The following SPG11 variants were observed in gnomAD, a reference collection of about 807,000 sequenced individuals.
SPG11 encodes the protein SPG11 vesicle trafficking associated, spatacsin.
A neutral mutation model predicts 274.0 loss-of-function variants in SPG11; 222 were observed. That is an observed-to-expected ratio of 0.81 (90% confidence interval 0.73 to 0.91). The LOEUF (loss-of-function observed/expected upper bound fraction) is 0.91, where lower values mean the gene tolerates loss of function less well. Ranked by LOEUF, SPG11 falls within the 40% of genes least tolerant of loss-of-function variation. The pLI is 0.00. For synonymous variants in SPG11, 1,144 were observed against 1,039.7 expected, an observed-to-expected ratio of 1.10 and a Z score of -1.93; for missense variants, 3,114 against 2,872.7, an observed-to-expected ratio of 1.08 and a Z score of -1.92.
intron 10 of SPG11, among the ~76,000 whole-genome samples, chr15:44,628,372 G>T (rs1042537820): frequency 1.3e-5 from 2 of 152,212 alleles, no homozygotes; most frequent in Non-Finnish European, 2.9e-5. Context: ...AGCCAATGAG[G>T]GAGTATTGCT....
intron 4 of SPG11, among the ~76,000 whole-genome samples, chr15:44,654,817 C>CA (rs1403007948): frequency 1.3e-5 from 2 of 150,848 alleles, no homozygotes; most frequent in East Asian, 3.9e-4. Context: ...TCCCGGACAA[C>CA]AAGAGCGAAA....
At chr15:44,656,811 C>A (rs1440515055) in intron 4 of SPG11, among the ~76,000 whole-genome samples, 1 of 152,192 alleles carries the variant, frequency 6.6e-6, no homozygotes, top group Middle Eastern at 3.4e-3. Flanking sequence ...CAATTAAGTG[C>A]TAAACTGTGG....
At position 44,657,119 on chromosome 15, in the gene SPG11, G is replaced by A; in HGVS notation, c.845C>T (p.Ala282Val). The stretch of plus-strand genomic sequence containing the variant: ...CCTGAAATACAAATTTAAGTTAAGA[G>A]CAACTGCGGAGTTGGAGGAGCTGAC... ...VIVSSSNSAV[A>V]LNLNLYFRQH... The change falls in exon 4 of 40, where the codon GCT (alanine) becomes GTT (valine). Residue 282 changes from alanine (A) to valine (V), a missense_variant. Coordinates refer to ENST00000261866, the MANE Select transcript of SPG11 (RefSeq NM_025137.4). 1 of 1,614,068 alleles carries A rather than the reference G, an allele frequency of 6.2e-7. No individual in the cohort carries two copies. Among genetic ancestry groups the A allele is most frequent in the Non-Finnish European group, 8.5e-7 (1 of 1,179,988 alleles).
intron 10 of SPG11, among the ~76,000 whole-genome samples, chr15:44,627,102 G>A (rs1041139687): frequency 6.6e-6 from 1 of 152,086 alleles, no homozygotes; most frequent in Non-Finnish European, 1.5e-5. Context: ...CTGAAACTAC[G>A]TGGAGCCACT....
intron 23 of SPG11, 71 bp from the exon 24 acceptor site, chr15:44,597,014 G>C: frequency 6.8e-7 from 1 of 1,461,096 alleles, no homozygotes. Context: ...GCTTTAGCTT[G>C]AACTGGAAAA....
rs1408442747 is a variant in SPG11 at position 44,569,482 on chromosome 15, T to G, written c.6501A>C (p.Gly2167=). 6.3e-7 allele frequency: 1 copy of G among 1,597,966 alleles called. No homozygotes were observed. Among genetic ancestry groups the G allele is most frequent in the Admixed American group, 1.7e-5 (1 of 57,494 alleles). ...GLVVRLLTGI[G]RYNEMTYIFD... ...ATATGTATGTCATCTCGTTGTACCTTCCAATGCCAGTGAGGAGCCGTACCT... is the reference window on the plus strand; with the variant it reads ...ATATGTATGTCATCTCGTTGTACCTGCCAATGCCAGTGAGGAGCCGTACCT... Residue 2167 remains glycine, a synonymous_variant, in exon 35 of 40, where the codon GGA becomes GGC. Coordinates refer to ENST00000261866, the MANE Select transcript of SPG11 (RefSeq NM_025137.4).
intron 17 of SPG11, among the ~76,000 whole-genome samples, chr15:44,613,112 G>A (rs942783960): frequency 1.4e-4 from 21 of 152,256 alleles, no homozygotes; most frequent in African/African-American, 4.8e-4. Flanking sequence ...ATGGAAAAAG[G>A]GTGTCAGTCT....
At chr15:44,637,784 G>A (rs565521290) in intron 7 of SPG11, among the ~76,000 whole-genome samples, 7 of 152,178 alleles carry the variant, frequency 4.6e-5, no homozygotes, top group South Asian at 4.2e-4. Flanking sequence ...CTATACTTTC[G>A]TTATTTTAGA....
chr15:44,662,744 C>G (rs569965110), intron 1 of SPG11, among the ~76,000 whole-genome samples: 1 of 150,730 alleles, frequency 6.6e-6, no homozygotes. Flanking sequence ...AGTACTGAAC[C>G]AAGAGTTACG....
At chr15:44,575,335 C>T (rs1205008538) in intron 30 of SPG11, 4 of 366,052 alleles carry the variant, frequency 1.1e-5, no homozygotes, top group Non-Finnish European at 2.1e-5. Context: ...TCTATATGTC[C>T]TCCCTCCTGT....
intron 20 of SPG11, among the ~76,000 whole-genome samples, chr15:44,601,206 A>C (rs1206285878): frequency 6.6e-6 from 1 of 150,904 alleles, no homozygotes; most frequent in Non-Finnish European, 1.5e-5. Context: ...TAGCTGCGTG[A>C]CCTTGAGCAA....
rs753262003 is a variant in SPG11 at position 44,651,460 on chromosome 15, T to C, written c.1456+31A>G. 48 of 1,587,844 alleles carry C rather than the reference T, an allele frequency of 3.0e-5. No individual in the cohort carries two copies. The Middle Eastern group carries it at 9.9e-4, about 33-fold the overall frequency. On this transcript the variant is annotated intron_variant, in intron 6 of 39. Coordinates refer to ENST00000261866, the MANE Select transcript of SPG11 (RefSeq NM_025137.4). Reference sequence around the variant, plus strand: ...AGTAGGAAAGCATACATCTCAGCAATGGATTTCAATCTAATACAAGACAGT... The same window carrying C: ...AGTAGGAAAGCATACATCTCAGCAACGGATTTCAATCTAATACAAGACAGT...
chr15:44,577,768 C>T (rs2082571003), intron 30 of SPG11, among the ~76,000 whole-genome samples: 1 of 152,022 alleles, frequency 6.6e-6, no homozygotes, highest in South Asian at 2.1e-4. Context: ...TATCATTATC[C>T]CCCCTCTAGC....
At chr15:44,575,852 G>A (rs866560394) in intron 30 of SPG11, among the ~76,000 whole-genome samples, 10 of 151,784 alleles carry the variant, frequency 6.6e-5, no homozygotes, top group African/African-American at 1.5e-4. Context: ...TTTTTAAAAC[G>A]AAGCTCTTGG....
chr15:44,588,869 C>T (rs2082833475), intron 28 of SPG11, among the ~76,000 whole-genome samples: 1 of 152,176 alleles, frequency 6.6e-6, no homozygotes, highest in South Asian at 2.1e-4. Context: ...TGAAGCAATG[C>T]TCCAGACTCA....
intron 33 of SPG11, 41 bp downstream of exon 33, chr15:44,572,642 G>C (rs375605223): frequency 6.8e-6 from 11 of 1,612,742 alleles, no homozygotes; most frequent in Non-Finnish European, 8.5e-6. Flanking sequence ...TTTGAGACCT[G>C]TTTAGGGCCA....
Position 44,661,683 on chromosome 15 carries a change from T to C in SPG11, c.258-1067A>G, listed in dbSNP as rs148967912. 4.2e-3 allele frequency among the ~76,000 whole-genome samples: 644 copies of C among 152,176 alleles called. 3 individuals carry two copies. The highest frequency in any genetic ancestry group is 6.6e-3 in the Non-Finnish European group (446 of 67,990). ...TAGAAAATAACCTAAATGTCAAATA[T>C]ACAAAAGGTTAAACTAAGATATACT... On this transcript the variant is annotated intron_variant, in intron 1 of 39. Coordinates refer to ENST00000261866, the MANE Select transcript of SPG11 (RefSeq NM_025137.4).
chr15:44,601,559 T>TC (rs988661436), intron 20 of SPG11, among the ~76,000 whole-genome samples: 3 of 140,410 alleles, frequency 2.1e-5, no homozygotes, highest in African/African-American at 8.3e-5. Flanking sequence ...AGCCTCTTCT[T>TC]TTTTTTTTTT....
At chr15:44,579,524 C>G (rs1595837164) in intron 30 of SPG11, among the ~76,000 whole-genome samples, 2 of 101,400 alleles carry the variant, frequency 2.0e-5, no homozygotes, top group African/African-American at 8.2e-5. Context: ...GAGACTCCGT[C>G]TCAAAAAAAA....
Sources: allele counts gnomAD v4.1 joint callset (sites outside exome capture counted in the v4.1 genomes callset), GRCh38; gene constraint gnomAD v4.1.1; transcripts MANE v1.5; gene names NCBI Gene and HGNC (gene_info 2026-07-23, HGNC 2026-07-21).